Variants in EVI5 observed in about 807,000 individuals in gnomAD.
The protein encoded by EVI5 is ecotropic viral integration site 5 protein homolog.
A neutral mutation model predicts 112.0 loss-of-function variants in EVI5; 73 were observed. The ratio of observed to expected loss-of-function variants is 0.65; its 90% CI spans 0.54 to 0.79. EVI5 has a LOEUF of 0.79. Among genes scored for constraint, EVI5 ranks in the 30% least tolerant of loss-of-function variants. The probability of loss-of-function intolerance (pLI) is 0.00; values close to 1 mark genes in which losing one functional copy is unlikely to be tolerated. For missense variants in EVI5, 900 were observed against 968.8 expected (o/e 0.93, Z 0.94); for synonymous variants, 305 against 319.9 (o/e 0.95, Z 0.50).
chr1:92,543,954 A>G (rs981097962), intron 19 of EVI5, among the ~76,000 whole-genome samples: 1 of 152,228 alleles, frequency 6.6e-6, no homozygotes, highest in Non-Finnish European at 1.5e-5. Flanking sequence ...AAAGCCAGGT[A>G]TGCCTGTTTA....
intron 1 of EVI5, among the ~76,000 whole-genome samples, chr1:92,783,927 G>A (rs1570965381): frequency 6.6e-6 from 1 of 151,694 alleles, no homozygotes; most frequent in African/African-American, 2.4e-5. Flanking sequence ...TCAGAACAAA[G>A]ATTAAAAACT....
At position 92,736,511 on chromosome 1, in the gene EVI5, T is replaced by C. The variant is rs750182374; in HGVS notation, c.36A>G (p.Leu12=). Residue 12 remains leucine, a synonymous_variant, in exon 2 of 20, where the codon TTA becomes TTG. Coordinates refer to ENST00000684568, the MANE Select transcript of EVI5 (RefSeq NM_001350197.2). Reference sequence around the variant, plus strand: ...GTGTGGTAGATGAGGATGTGGTATGTAATGAAGTAGATGGACTTGCCACCT... The same window carrying C: ...GTGTGGTAGATGAGGATGTGGTATGCAATGAAGTAGATGGACTTGCCACCT... ...ASQVASPSTS[L]HTTSSSTTLS... 3 of 1,613,896 alleles carry C rather than the reference T, an allele frequency of 1.9e-6. No homozygotes were observed. In the East Asian group the frequency reaches 6.7e-5, roughly 36 times the overall value.
intron 1 of EVI5, among the ~76,000 whole-genome samples, chr1:92,758,164 T>C (rs1681241592): frequency 6.6e-6 from 1 of 152,118 alleles, no homozygotes; most frequent in African/African-American, 2.4e-5. Context: ...CTCAAGATAG[T>C]GAGAATGTAG....
At position 92,607,651 on chromosome 1, in the gene EVI5, G is replaced by T; in HGVS notation, c.1904C>A (p.Ser635Tyr). 1 of 1,606,976 alleles carries T rather than the reference G, an allele frequency of 6.2e-7. No homozygotes were observed. Among genetic ancestry groups the T allele is most frequent in the Non-Finnish European group, 8.5e-7 (1 of 1,176,772 alleles). The change falls in exon 17 of 20, where the codon TCT (serine) becomes TAT (tyrosine). Residue 635 changes from serine (S) to tyrosine (Y), a missense_variant. By Grantham distance (144) the Ser-to-Tyr change is moderately radical. Coordinates refer to ENST00000684568, the MANE Select transcript of EVI5 (RefSeq NM_001350197.2). ...ISLQEKVQYLSAQNKGLLTQL... is the reference protein window; with the variant it reads ...ISLQEKVQYLYAQNKGLLTQL... ...AGTAAGGAGTCCTTTGTTCTGTGCA[G>T]AAAGATACTGCACTTTCTCCTGTAG...
chr1:92,611,912 C>T (rs1263917652), intron 16 of EVI5, among the ~76,000 whole-genome samples: 2 of 150,284 alleles, frequency 1.3e-5, no homozygotes, highest in Non-Finnish European at 3.0e-5. Context: ...ACAGTGAGAC[C>T]CTATTTAAAA....
At chr1:92,784,172 C>T in intron 1 of EVI5, 1 of 380,000 alleles carries the variant, frequency 2.6e-6, no homozygotes, top group Non-Finnish European at 3.6e-6. Flanking sequence ...CTAAGAAGCC[C>T]CAAAGACAGA....
rs150754307 is a variant in EVI5 at position 92,532,847 on chromosome 1, T to C, written c.2167-18877A>G. On this transcript the variant is annotated intron_variant, in intron 19 of 19. Coordinates refer to ENST00000684568, the MANE Select transcript of EVI5 (RefSeq NM_001350197.2). ...AAGAGGAAGCAGGAAAGATCTAAAA[T>C]TGACACCCTAAAATCACATTGAAAA... is the stretch of plus-strand genomic sequence containing the variant. 3.3e-3 allele frequency among the ~76,000 whole-genome samples: 501 copies of C among 152,064 alleles called. 4 individuals are homozygous for C. The highest frequency in any genetic ancestry group is 0.011 in the African/African-American group (467 of 41,456).
rs142894901 is a variant in EVI5 at position 92,619,311 on chromosome 1, G to C, written c.1827+4865C>G. 6.8e-3 allele frequency among the ~76,000 whole-genome samples: 1,037 copies of C among 152,204 alleles called. 4 individuals are homozygous for C. The highest frequency in any genetic ancestry group is 9.9e-3 in the Admixed American group (152 of 15,288). ...CCTATATCTTTCCCCCATCCTGGAT[G>C]CTTCCTGTCCTTGAACACTGGACTT... On this transcript the variant is annotated intron_variant, in intron 16 of 19. Coordinates refer to ENST00000684568, the MANE Select transcript of EVI5 (RefSeq NM_001350197.2).
chr1:92,597,454 A>T (rs1648169017), intron 18 of EVI5, among the ~76,000 whole-genome samples: 1 of 152,194 alleles, frequency 6.6e-6, no homozygotes, highest in African/African-American at 2.4e-5. Context: ...AAATTCCATT[A>T]AAAAACATTT....
At chr1:92,674,160 T>C (rs1666333511) in intron 10 of EVI5, among the ~76,000 whole-genome samples, 1 of 152,140 alleles carries the variant, frequency 6.6e-6, no homozygotes, top group Non-Finnish European at 1.5e-5. Flanking sequence ...GCATTTCCCA[T>C]TTTACAGCAA....
At chr1:92,778,597 G>A (rs1016128945) in intron 1 of EVI5, among the ~76,000 whole-genome samples, 4 of 152,082 alleles carry the variant, frequency 2.6e-5, no homozygotes, top group Admixed American at 2.6e-4. Context: ...ATACTCTCTG[G>A]AAAATATGAC....
chr1:92,616,496 G>A (rs1653196218), intron 16 of EVI5, among the ~76,000 whole-genome samples: 1 of 141,146 alleles, frequency 7.1e-6, no homozygotes, highest in African/African-American at 2.6e-5. Context: ...TAGAGCTCTG[G>A]CATTGGCTAA....
chr1:92,754,502 T>G (rs1680618484), intron 1 of EVI5, among the ~76,000 whole-genome samples: 1 of 142,728 alleles, frequency 7.0e-6, no homozygotes, highest in Non-Finnish European at 1.5e-5. Flanking sequence ...GCTGGGCGAT[T>G]CTGGCTCATG....
chr1:92,702,679 G>A (rs376027237), intron 4 of EVI5, among the ~76,000 whole-genome samples: 10 of 151,088 alleles, frequency 6.6e-5, no homozygotes, highest in African/African-American at 1.7e-4. Context: ...AGTGGCGGGC[G>A]CATGTAATCC....
chr1:92,526,134 C>T (rs148352359), intron 19 of EVI5, among the ~76,000 whole-genome samples: 59 of 152,310 alleles, frequency 3.9e-4, no homozygotes, highest in African/African-American at 1.3e-3. Flanking sequence ...TCACAGCTCA[C>T]TGCAGCCTCC....
chr1:92,747,028 T>C (rs1679360381), intron 1 of EVI5, among the ~76,000 whole-genome samples: 1 of 152,144 alleles, frequency 6.6e-6, no homozygotes, highest in Non-Finnish European at 1.5e-5. Context: ...TTTGTAAAAG[T>C]CTGTATTTCC....
intron 13 of EVI5, among the ~76,000 whole-genome samples, chr1:92,653,871 G>GTGT (rs1439179364): frequency 6.6e-6 from 1 of 152,186 alleles, no homozygotes; most frequent in East Asian, 1.9e-4. Context: ...ATAGACAGTG[G>GTGT]TGTCTGACCA....
chr1:92,602,759 AAT>A, intron 18 of EVI5, among the ~76,000 whole-genome samples: 1 of 152,256 alleles, frequency 6.6e-6, no homozygotes, highest in African/African-American at 2.4e-5. Flanking sequence ...TAGTTTTGAT[AAT>A]ATAGAAATAT....
In EVI5 at chr1:92,555,833, G is replaced by C. The variant is rs79647342; in HGVS notation, c.2166+7809C>G. Among the ~76,000 whole-genome samples, 204 of 119,094 alleles carry C rather than the reference G, an allele frequency of 1.7e-3. 6 individuals are homozygous for C. In the East Asian group the frequency reaches 0.052, roughly 30 times the overall value. 78.1% of individuals were successfully genotyped at this position (119,094 alleles called of 152,430 possible). A position where few individuals can be genotyped will look rare whatever the true frequency, so the allele number is the denominator to read the frequency against. ...CCACTGCAATCCAACCTGGGTGACA[G>C]AGTGAAACTCGTCTCAAAAAAAAAA... On this transcript the variant is annotated intron_variant, in intron 19 of 19. Transcript: ENST00000684568.
Sources: gnomAD v4.1 joint callset for allele counts (sites outside exome capture counted in the v4.1 genomes callset) on GRCh38, gnomAD v4.1.1 for gene constraint, MANE v1.5 for transcripts, NCBI Gene and HGNC (gene_info 2026-07-23, HGNC 2026-07-21) for gene names.